The following SPART variants were observed in gnomAD, a reference collection of about 807,000 sequenced individuals.
SPART encodes spartin.
A neutral mutation model predicts 58.7 loss-of-function variants in SPART; 35 were observed. The ratio of observed to expected loss-of-function variants is 0.60; its 90% CI spans 0.46 to 0.79. The LOEUF (loss-of-function observed/expected upper bound fraction) is 0.79. Among genes scored for constraint, SPART ranks in the 30% least tolerant of loss-of-function variants. The pLI is 0.00. For synonymous variants in SPART, 284 were observed against 280.7 expected, an observed-to-expected ratio of 1.01 and a Z score of -0.12; for missense variants, 730 against 786.1, an observed-to-expected ratio of 0.93 and a Z score of 0.85.
At chr13:36,366,219 C>T (rs974851808) in intron 1 of SPART, among the ~76,000 whole-genome samples, 5 of 152,300 alleles carry the variant, frequency 3.3e-5, no homozygotes, top group Non-Finnish European at 7.4e-5. Flanking sequence ...TTCTATTCTC[C>T]AGCTGTGCCA....
chr13:36,355,820 T>G (rs1885601015), intron 1 of SPART, among the ~76,000 whole-genome samples: 1 of 144,740 alleles, frequency 6.9e-6, no homozygotes, highest in African/African-American at 2.5e-5. Flanking sequence ...TAATTGCAGT[T>G]TTTCTCATTA....
intron 5 of SPART, among the ~76,000 whole-genome samples, chr13:36,315,367 G>T (rs990424252): frequency 1.3e-5 from 2 of 152,040 alleles, no homozygotes; most frequent in Non-Finnish European, 2.9e-5. Context: ...TTCTTTTTTG[G>T]CTAACACTTA....
chr13:36,314,226 C>T lies in SPART; in HGVS notation c.1483+1G>A, dbSNP rs1881432812. 2 of 1,613,782 alleles carry T rather than the reference C, an allele frequency of 1.2e-6. No homozygotes were observed. Among genetic ancestry groups the T allele is most frequent in the Non-Finnish European group, 8.5e-7 (1 of 1,179,846 alleles). ...AGTAAAGTTATCTAGAATTACTTTA[C>T]CCAGGAACTGACTGACTTTTGCTGC... On this transcript the variant is annotated splice_donor_variant, in intron 6 of 8. Coordinates refer to ENST00000438666, the MANE Select transcript of SPART (RefSeq NM_015087.5). LOFTEE classifies it high-confidence loss of function.
chr13:36,360,640 C>T (rs1002805167), intron 1 of SPART: 1 of 152,600 alleles, frequency 6.6e-6, no homozygotes, highest in African/African-American at 2.4e-5. Flanking sequence ...GGGTTTTACT[C>T]TCTCTGTTTT....
At chr13:36,336,011 A>G (rs1883975167) in intron 1 of SPART, among the ~76,000 whole-genome samples, 179 bp from the exon 2 acceptor site, 1 of 152,250 alleles carries the variant, frequency 6.6e-6, no homozygotes, top group Non-Finnish European at 1.5e-5. Context: ...CTTAACATGT[A>G]TTTGATGAAT....
Position 36,335,434 on chromosome 13 carries a change from T to TAA in SPART, c.395_396dup (p.Ser133LeufsTer10). On this transcript the variant is annotated frameshift_variant, in exon 2 of 9. Coordinates refer to ENST00000438666, the MANE Select transcript of SPART (RefSeq NM_015087.5). LOFTEE classifies it high-confidence loss of function. ...ACTTCAGCATGCTGAGGAGCTGAAC[T>TAA]AAAAGACTGAGGCTCTGGTAATTTT... 6.2e-7 allele frequency: 1 copy of TAA among 1,614,140 alleles called. No individual in the cohort carries two copies. The highest frequency in any genetic ancestry group is 8.5e-7 in the Non-Finnish European group (1 of 1,180,016).
At chr13:36,351,406 A>G (rs900937691) in intron 1 of SPART, among the ~76,000 whole-genome samples, 2 of 152,128 alleles carry the variant, frequency 1.3e-5, no homozygotes, top group African/African-American at 2.4e-5. Flanking sequence ...GCAAAGATCA[A>G]TTTGGTTCTA....
In SPART at chr13:36,335,064, T is replaced by C. The variant is rs1438013033; in HGVS notation, c.767A>G (p.Asn256Ser). Residue 256 changes from asparagine to serine, a missense_variant, in exon 2 of 9, where the codon AAT becomes AGT. Coordinates refer to ENST00000438666, the MANE Select transcript of SPART (RefSeq NM_015087.5). Reference sequence around the variant, plus strand: ...ACGGTTTAGAACCGTATCGAGAGAATTATCCAAAAACCTCACAATTCGAAG... The same window carrying C: ...ACGGTTTAGAACCGTATCGAGAGAACTATCCAAAAACCTCACAATTCGAAG... ...GYLRIVRFLD[N>S]SLDTVLNRPP... 8 of 1,613,978 alleles carry C rather than the reference T, an allele frequency of 5.0e-6. No homozygotes were observed. Among genetic ancestry groups the C allele is most frequent in the Non-Finnish European group, 6.8e-6 (8 of 1,180,022 alleles).
At chr13:36,357,185 C>A (rs761586177) in intron 1 of SPART, among the ~76,000 whole-genome samples, 7 of 152,122 alleles carry the variant, frequency 4.6e-5, no homozygotes, top group Non-Finnish European at 7.4e-5. Context: ...ACCATGGATA[C>A]CTAATCAGTT....
chr13:36,308,724 A>T (rs1330555955), intron 8 of SPART, among the ~76,000 whole-genome samples: 1 of 151,536 alleles, frequency 6.6e-6, no homozygotes, highest in East Asian at 1.9e-4. Context: ...AAAATAATTC[A>T]CTTTTGGCCT....
At chr13:36,350,720 C>G (rs2063795544), upstream of SPART, among the ~76,000 whole-genome samples, 1 of 152,012 alleles carries the variant, frequency 6.6e-6, no homozygotes, top group Admixed American at 6.6e-5. Context: ...ACCATCATAC[C>G]ATTATAGAAG....
intron 2 of SPART, 123 bp downstream of exon 2, chr13:36,334,898 T>A: frequency 1.3e-6 from 1 of 786,874 alleles, no homozygotes; most frequent in Middle Eastern, 2.8e-4. Context: ...GGAATATATT[T>A]AAAAACAAAG....
chr13:36,326,473 A>G (rs1882942908), intron 5 of SPART, 102 bp downstream of exon 5: 3 of 1,461,774 alleles, frequency 2.1e-6, no homozygotes, highest in Non-Finnish European at 2.8e-6. Flanking sequence ...AAACCAAAAT[A>G]CAAAATATTA....
At chr13:36,319,791 C>T (rs1214762514) in intron 5 of SPART, among the ~76,000 whole-genome samples, 4 of 144,426 alleles carry the variant, frequency 2.8e-5, no homozygotes, top group Admixed American at 7.1e-5. Flanking sequence ...AGCAAATTAC[C>T]TAGGCTGTAC....
intron 5 of SPART, among the ~76,000 whole-genome samples, chr13:36,320,276 G>T (rs1323355271): frequency 6.6e-6 from 1 of 152,054 alleles, no homozygotes; most frequent in Non-Finnish European, 1.5e-5. Flanking sequence ...AATTACCGTT[G>T]TTCCTGGCCC....
At chr13:36,355,421 A>C (rs1885584260) in intron 1 of SPART, among the ~76,000 whole-genome samples, 1 of 152,232 alleles carries the variant, frequency 6.6e-6, no homozygotes, top group Admixed American at 6.5e-5. Flanking sequence ...CCAAGAGGTC[A>C]TATCTGTTTT....
rs373841987 is a variant in SPART at position 36,304,596 on chromosome 13, C to T, written c.1770G>A (p.Ala590=). Reference sequence around the variant, plus strand: ...CGCCAACATTGACCGCAGAATCCACCGCATGGTGGGTAGCTTCTCCTGCAT... The same window carrying T: ...CGCCAACATTGACCGCAGAATCCACTGCATGGTGGGTAGCTTCTCCTGCAT... ...GYNAGEATHH[A]VDSAVNVGVT... The change falls in exon 9 of 9, where the codon GCG becomes GCA. Residue 590 remains alanine, a synonymous_variant. Transcript: ENST00000438666. The T allele has an allele frequency of 1.2e-5, 19 of 1,613,848 alleles. No individual in the cohort carries two copies. The South Asian group carries it at 1.5e-4, about 13-fold the overall frequency.
chr13:36,312,558 A>G (rs1049183026), intron 6 of SPART, 81 bp from the exon 7 acceptor site: 1 of 1,350,326 alleles, frequency 7.4e-7, no homozygotes, highest in Non-Finnish European at 1.1e-6. Flanking sequence ...CAACATTCTT[A>G]AATGAACATC....
chr13:36,305,000 C>G (rs539837217), intron 8 of SPART, among the ~76,000 whole-genome samples: 2 of 152,154 alleles, frequency 1.3e-5, no homozygotes, highest in Non-Finnish European at 2.9e-5. Flanking sequence ...ACAGAAGCAA[C>G]TAATCTAGAG....
Sources: gnomAD v4.1 joint callset for allele counts (sites outside exome capture counted in the v4.1 genomes callset) on GRCh38, gnomAD v4.1.1 for gene constraint, MANE v1.5 for transcripts, NCBI Gene and HGNC (gene_info 2026-07-23, HGNC 2026-07-21) for gene names.